The following NALF1 variants were observed in gnomAD, a reference collection of about 807,000 sequenced individuals.
NALF1 encodes family with sequence similarity 155 member A.
In NALF1, 3 loss-of-function variants were observed where a neutral mutation model predicts 48.4. That is an observed-to-expected ratio of 0.06 (90% CI 0.03 to 0.16). NALF1 has a LOEUF of 0.16. Ranked by LOEUF, NALF1 falls within the 10% of genes least tolerant of loss-of-function variation. The pLI, the probability that NALF1 is intolerant of heterozygous loss-of-function variation, is 1.00. For synonymous variants in NALF1, 262 were observed against 245.7 expected (o/e 1.07, Z -0.62); for missense variants, 526 against 571.5 (o/e 0.92, Z 0.81).
At chr13:107,695,394 C>T (rs796729661) in intron 1 of NALF1, among the ~76,000 whole-genome samples, 39 of 151,912 alleles carry the variant, frequency 2.6e-4, no homozygotes, top group African/African-American at 6.5e-4. Context: ...ATAAGTCGAC[C>T]GTAAGGTTAT....
At position 107,815,203 on chromosome 13, in the gene NALF1, A is replaced by C. The variant is rs1010079211; in HGVS notation, c.915+50479T>G. Among the ~76,000 whole-genome samples, 22 of 152,200 alleles carry C rather than the reference A, an allele frequency of 1.4e-4. 1 individual carries two copies. Among genetic ancestry groups the C allele is most frequent in the African/African-American group, 3.9e-4 (16 of 41,458 alleles). ...TTTTGTACTTCAAAGGGCACTATCA[A>C]TAAATCTAAAAGACAACCCAAAGAG... is the stretch of plus-strand genomic sequence containing the variant. On this transcript the variant is annotated intron_variant, in intron 1 of 2. Transcript: ENST00000375915.
At chr13:107,548,810 A>T (rs1356573903) in intron 1 of NALF1, among the ~76,000 whole-genome samples, 1 of 151,948 alleles carries the variant, frequency 6.6e-6, no homozygotes, top group African/African-American at 2.4e-5. Flanking sequence ...AGCCATACAC[A>T]CACACGTGTG....
At chr13:107,824,884 A>C (rs1268487810) in intron 1 of NALF1, among the ~76,000 whole-genome samples, 1 of 152,166 alleles carries the variant, frequency 6.6e-6, no homozygotes, top group African/African-American at 2.4e-5. Flanking sequence ...TCAGTTTGCC[A>C]CTTCACTGGC....
chr13:107,223,071 T>C (rs1414863740), intron 1 of NALF1, among the ~76,000 whole-genome samples: 1 of 152,208 alleles, frequency 6.6e-6, no homozygotes, highest in African/African-American at 2.4e-5. Flanking sequence ...AAGTACAATT[T>C]TGTATAAGCT....
At chr13:107,859,808 A>C (rs817001) in intron 1 of NALF1, among the ~76,000 whole-genome samples, 1 of 151,216 alleles carries the variant, frequency 6.6e-6, no homozygotes, top group Non-Finnish European at 1.5e-5. Context: ...CCACCTACTC[A>C]GGAGACTGAG....
At chr13:107,579,998 G>T (rs375214304) in intron 1 of NALF1, among the ~76,000 whole-genome samples, 1 of 151,844 alleles carries the variant, frequency 6.6e-6, no homozygotes, top group Non-Finnish European at 1.5e-5. Flanking sequence ...ACATGCACAC[G>T]TATGTTTATT....
intron 1 of NALF1, among the ~76,000 whole-genome samples, chr13:107,549,792 G>A (rs920921194): frequency 1.3e-5 from 2 of 151,726 alleles, no homozygotes; most frequent in Non-Finnish European, 2.9e-5. Context: ...CTAACCCATG[G>A]AGCTTATGGA....
intron 1 of NALF1, among the ~76,000 whole-genome samples, chr13:107,454,097 AG>A (rs1884786554): frequency 6.6e-6 from 1 of 152,200 alleles, no homozygotes; most frequent in Non-Finnish European, 1.5e-5. Context: ...ACAAGTTTCT[AG>A]GAAGTTTCAA....
At chr13:107,784,636 A>G (rs1431750666) in intron 1 of NALF1, among the ~76,000 whole-genome samples, 1 of 152,224 alleles carries the variant, frequency 6.6e-6, no homozygotes, top group Non-Finnish European at 1.5e-5. Context: ...TAGCCAACAA[A>G]CATATGAAAA....
At chr13:107,532,439 G>A (rs780535577) in intron 1 of NALF1, among the ~76,000 whole-genome samples, 5 of 152,008 alleles carry the variant, frequency 3.3e-5, no homozygotes, top group Admixed American at 6.6e-5. Flanking sequence ...GTGTTACAAT[G>A]CTTTTCCAAT....
intron 1 of NALF1, among the ~76,000 whole-genome samples, chr13:107,437,253 C>T (rs1010857159): frequency 2.0e-5 from 3 of 152,116 alleles, no homozygotes; most frequent in Admixed American, 6.6e-5. Flanking sequence ...AAAACCTGCC[C>T]CACATGCAGG....
At chr13:107,589,524 G>A (rs1878547662) in intron 1 of NALF1, among the ~76,000 whole-genome samples, 1 of 151,996 alleles carries the variant, frequency 6.6e-6, no homozygotes, top group Admixed American at 6.6e-5. Flanking sequence ...ACAGTTATCT[G>A]TGACTTGAGG....
In NALF1 at chr13:107,866,721, CTCTCTCTT is replaced by C; in HGVS notation, c.-133_-126del. 2 of 296,938 alleles carry C rather than the reference CTCTCTCTT, an allele frequency of 6.7e-6. No homozygotes were observed. Among genetic ancestry groups the C allele is most frequent in the South Asian group, 3.5e-5 (1 of 28,912 alleles). 18.4% of individuals were successfully genotyped at this position (296,938 alleles called of 1,614,324 possible). On this transcript the variant is annotated 5_prime_UTR_variant, in exon 1 of 3. Transcript: ENST00000375915. This position sits in a 1 kb window ranked among gnomAD's most constrained non-coding sequence, Gnocchi z 4.4. Reference sequence around the variant, plus strand: ...CCTCCTCCCGTTTCTTCTCTCTCCTCTCTCTCTTTCTCTCTCTTCCCCTCTCCCTCTCT... The same window carrying C: ...CCTCCTCCCGTTTCTTCTCTCTCCTCTCTCTCTCTTCCCCTCTCCCTCTCT...
chr13:107,501,165 G>T (rs1875509153), intron 1 of NALF1, among the ~76,000 whole-genome samples: 1 of 151,984 alleles, frequency 6.6e-6, no homozygotes, highest in African/African-American at 2.4e-5. Flanking sequence ...AGAGGAGAAA[G>T]GTCATGGCCT....
chr13:107,768,243 C>T (rs1005650254), intron 1 of NALF1, among the ~76,000 whole-genome samples: 1 of 152,074 alleles, frequency 6.6e-6, no homozygotes. Context: ...AAAATAAGCA[C>T]CCAATAAATG....
At chr13:107,605,851 T>A (rs1445862414) in intron 1 of NALF1, among the ~76,000 whole-genome samples, 3 of 152,210 alleles carry the variant, frequency 2.0e-5, no homozygotes, top group Admixed American at 2.0e-4. Context: ...GCAGACAACC[T>A]GTTCCCACGC....
chr13:107,658,928 T>A (rs1260855134), intron 1 of NALF1, among the ~76,000 whole-genome samples: 1 of 152,112 alleles, frequency 6.6e-6, no homozygotes, highest in East Asian at 1.9e-4. Context: ...GGTAGTGACC[T>A]GAAATGTGAC....
At chr13:107,533,009 T>C (rs1435382038) in intron 1 of NALF1, among the ~76,000 whole-genome samples, 1 of 152,102 alleles carries the variant, frequency 6.6e-6, no homozygotes, top group East Asian at 1.9e-4. Flanking sequence ...AGCTGGAAAT[T>C]TAAAACATCA....
At chr13:107,202,544 T>C (rs1023113192) in intron 2 of NALF1, among the ~76,000 whole-genome samples, 1 of 152,134 alleles carries the variant, frequency 6.6e-6, no homozygotes, top group Non-Finnish European at 1.5e-5. Flanking sequence ...ATCCTAAGAA[T>C]CTCACTAACC....
Sources: allele counts gnomAD v4.1 joint callset (sites outside exome capture counted in the v4.1 genomes callset), GRCh38; gene constraint gnomAD v4.1.1; non-coding constraint Gnocchi (gnomAD v3.1); transcripts MANE v1.5; gene names NCBI Gene and HGNC (gene_info 2026-07-23, HGNC 2026-07-21).